The following DPH7 variants were observed in gnomAD, a reference collection of about 807,000 sequenced individuals.
The protein encoded by DPH7 is diphthine methyltransferase.
Under a neutral mutation model 41.7 loss-of-function variants are expected in DPH7, and 44 were observed. That is an observed-to-expected ratio of 1.05 (90% confidence interval 0.83 to 1.36). DPH7 has a LOEUF of 1.36. Ranked by LOEUF, DPH7 falls within the 40% of genes most tolerant of loss-of-function variation. The pLI, the probability that DPH7 is intolerant of heterozygous loss-of-function variation, is 0.00. For missense variants in DPH7, 629 were observed against 577.5 expected (o/e 1.09, Z -0.91); for synonymous variants, 275 against 238.0 (o/e 1.16, Z -1.43).
intron 8 of DPH7, among the ~76,000 whole-genome samples, chr9:137,559,719 C>A (rs578174030): frequency 1.6e-4 from 24 of 152,220 alleles, no homozygotes; most frequent in Non-Finnish European, 1.5e-4. Flanking sequence ...AGGGAAGGGC[C>A]CCCTGTCCAG....
At position 137,574,575 on chromosome 9, in the gene DPH7, C is replaced by T. The variant is rs764466431; in HGVS notation, c.467+177G>A. The T allele has an allele frequency of 7.2e-6, 6 of 836,416 alleles. No homozygotes were observed. The Admixed American group carries it at 1.2e-4, about 17-fold the overall frequency. 51.8% of individuals were successfully genotyped at this position (836,416 alleles called of 1,614,324 possible). ...GTGTCGACTTCTCTAGGTAAAAACA[C>T]TATCGCTATGTATCTAAAATGGGGG... On this transcript the variant is annotated intron_variant, in intron 4 of 8. Transcript: ENST00000277540.
chr9:137,578,684 C>A lies in DPH7; in HGVS notation c.94G>T (p.Ala32Ser). ...CGCCGCAGCTGGTAGGTCCCGCACG[C>A]CAGCAGGTGCCTGCAGCCTTGCAGC... is the stretch of plus-strand genomic sequence containing the variant. ...CPLQGCRHLL[A>S]CGTYQLRRPE... Residue 32 changes from alanine (A) to serine (S), a missense_variant, in exon 1 of 9, where the codon GCG becomes TCG. Coordinates refer to ENST00000277540, the MANE Select transcript of DPH7 (RefSeq NM_138778.5). The A allele has an allele frequency of 6.5e-7, 1 of 1,529,206 alleles. No homozygotes were observed. Among genetic ancestry groups the A allele is most frequent in the Non-Finnish European group, 8.8e-7 (1 of 1,139,556 alleles). The allele number at this position is 1,529,206 out of a possible 1,614,324, so 94.7% of individuals were successfully genotyped here.
At chr9:137,569,738 C>CCATG (rs1374504058) in intron 5 of DPH7, among the ~76,000 whole-genome samples, 3 of 146,234 alleles carry the variant, frequency 2.1e-5, no homozygotes, top group African/African-American at 7.7e-5. Flanking sequence ...ATCCATCCAT[C>CCATG]CATCCATCCA....
At position 137,576,106 on chromosome 9, in the gene DPH7, G is replaced by T. The variant is rs766173296; in HGVS notation, c.349C>A (p.Gln117Lys). 9.3e-6 allele frequency: 15 copies of T among 1,613,808 alleles called. No individual in the cohort carries two copies. Among genetic ancestry groups the T allele is most frequent in the African/African-American group, 1.3e-5 (1 of 74,940 alleles). Reference protein sequence around the residue: ...LGLADASGSIQLLRLVESEKS... With the variant: ...LGLADASGSIKLLRLVESEKS... Reference sequence around the variant, plus strand: ...TCAGATTCCACCAGGCGGAGCAGTTGTATGGATCCACTGGCATCTGCCAAG... The same window carrying T: ...TCAGATTCCACCAGGCGGAGCAGTTTTATGGATCCACTGGCATCTGCCAAG... The change falls in exon 3 of 9, where the codon CAA becomes AAA. Residue 117 changes from glutamine (Q) to lysine (K), a missense_variant. Gln to Lys is a moderately conservative substitution (Grantham distance 53, BLOSUM62 1). Coordinates refer to ENST00000277540, the MANE Select transcript of DPH7 (RefSeq NM_138778.5).
intron 1 of DPH7, chr9:137,577,876 C>T (rs1841699074): frequency 1.2e-6 from 1 of 834,092 alleles, no homozygotes. Context: ...CTGGGACAGT[C>T]CTGACTTACG....
rs1219587151 is a variant in DPH7 at position 137,556,142 on chromosome 9, GC to G, written c.950-495del. On this transcript the variant is annotated intron_variant, in intron 8 of 8. Coordinates refer to ENST00000277540, the MANE Select transcript of DPH7 (RefSeq NM_138778.5). The surrounding 1 kb of genome is among the most constrained non-coding windows in gnomAD (Gnocchi z 5.2). ...GTCCCAAGCATGCAGGGTCCGGCAC[GC>G]CCTGTTTCAGAGTCTGGATTCTGGC... Among the ~76,000 whole-genome samples, 2 of 152,184 alleles carry G rather than the reference GC, an allele frequency of 1.3e-5. No homozygotes were observed. The highest frequency in any genetic ancestry group is 4.8e-5 in the African/African-American group (2 of 41,430).
At chr9:137,568,398 T>G (rs112736111) in intron 5 of DPH7, among the ~76,000 whole-genome samples, 1 of 1,412 alleles carries the variant, frequency 7.1e-4, no homozygotes, top group Non-Finnish European at 1.5e-3. Context: ...GAAGCTCCCC[T>G]GGGTGACTCT....
intron 1 of DPH7, among the ~76,000 whole-genome samples, chr9:137,578,303 T>C (rs1841793022): frequency 1.3e-5 from 2 of 152,216 alleles, no homozygotes; most frequent in African/African-American, 4.8e-5. Context: ...TGGCTGGGAC[T>C]ACAGGCGCCG....
chr9:137,575,027 T>G, intron 3 of DPH7, 184 bp from the exon 4 acceptor site: 1 of 1,401,000 alleles, frequency 7.1e-7, no homozygotes, highest in Non-Finnish European at 9.3e-7. Context: ...CGAGAAGACC[T>G]GGGGACACTG....
At position 137,564,886 on chromosome 9, in the gene DPH7, G is replaced by A; in HGVS notation, c.776+7C>T. On this transcript the variant is annotated splice_region_variant and intron_variant, in intron 7 of 8. Coordinates refer to ENST00000277540, the MANE Select transcript of DPH7 (RefSeq NM_138778.5). ...GAGAAGGGCCCGAGAGCCTCCTGGGGACTCACCTTCCCGTGGCCAGGATGT... is the reference window on the plus strand; with the variant it reads ...GAGAAGGGCCCGAGAGCCTCCTGGGAACTCACCTTCCCGTGGCCAGGATGT... The A allele has an allele frequency of 1.3e-6, 2 of 1,589,270 alleles. No individual in the cohort carries two copies. Among genetic ancestry groups the A allele is most frequent in the Non-Finnish European group, 1.7e-6 (2 of 1,168,004 alleles).
chr9:137,578,866 C>G lies in DPH7; in HGVS notation c.-89G>C. 6.2e-6 allele frequency: 8 copies of G among 1,287,338 alleles called. No individual in the cohort carries two copies. The South Asian group carries it at 1.3e-4, about 21-fold the overall frequency. The allele number at this position is 1,287,338 out of a possible 1,614,324, so 79.7% of individuals were successfully genotyped here. A position where few individuals can be genotyped will look rare whatever the true frequency, so the allele number is the denominator to read the frequency against. On this transcript the variant is annotated 5_prime_UTR_variant, in exon 1 of 9. Coordinates refer to ENST00000277540, the MANE Select transcript of DPH7 (RefSeq NM_138778.5). ...CTGCGCGGGGCGGCGAGGCCGGGGCCGGCCGGACGAGCGCAGAGCCCCAGG... is the reference window on the plus strand; with the variant it reads ...CTGCGCGGGGCGGCGAGGCCGGGGCGGGCCGGACGAGCGCAGAGCCCCAGG...
intron 5 of DPH7, among the ~76,000 whole-genome samples, chr9:137,572,392 T>C (rs1450033162): frequency 6.6e-6 from 1 of 152,210 alleles, no homozygotes; most frequent in Non-Finnish European, 1.5e-5. Context: ...TTATCCTCAA[T>C]GAAACAGGAA....
In DPH7 at chr9:137,574,227, A is replaced by G; in HGVS notation, c.621T>C (p.His207=). The G allele has an allele frequency of 1.2e-6, 2 of 1,614,128 alleles. No individual in the cohort carries two copies. Among genetic ancestry groups the G allele is most frequent in the Non-Finnish European group, 1.7e-6 (2 of 1,180,032 alleles). The change falls in exon 5 of 9, where the codon CAT becomes CAC. Residue 207 remains histidine, a synonymous_variant. Coordinates refer to ENST00000277540, the MANE Select transcript of DPH7 (RefSeq NM_138778.5). Reference sequence around the variant, plus strand: ...ACTGACCTGAATACACAATTTCTGGATGCCAGTAATTGAAAGCAGCAATCC... The same window carrying G: ...ACTGACCTGAATACACAATTTCTGGGTGCCAGTAATTGAAAGCAGCAATCC... ...EAWIAAFNYW[H]PEIVYSGGDD... is the part of the protein sequence containing the mutation.
chr9:137,555,927 CAG>C (rs1340602274), intron 8 of DPH7, among the ~76,000 whole-genome samples: 2 of 152,212 alleles, frequency 1.3e-5, no homozygotes, highest in African/African-American at 4.8e-5. Context: ...CGGCAAAAGC[CAG>C]AGAGGGGGAA....
At chr9:137,558,635 G>T (rs1837941599) in intron 8 of DPH7, among the ~76,000 whole-genome samples, 3 of 152,232 alleles carry the variant, frequency 2.0e-5, no homozygotes, top group Admixed American at 2.0e-4. Flanking sequence ...CATAGACAGA[G>T]TAAACGGAGG....
chr9:137,574,734 AC>A lies in DPH7; in HGVS notation c.467+17del. On this transcript the variant is annotated intron_variant, in intron 4 of 8. Coordinates refer to ENST00000277540, the MANE Select transcript of DPH7 (RefSeq NM_138778.5). ...CTCAGAGAAAGACTCAGGACCCCTG[AC>A]CAAGCCTGGCCCTTACCTTCCAGTT... 6.2e-7 allele frequency: 1 copy of A among 1,612,640 alleles called. No homozygotes were observed. Among genetic ancestry groups the A allele is most frequent in the African/African-American group, 1.3e-5 (1 of 74,966 alleles).
chr9:137,577,845 T>A (rs896429646), intron 1 of DPH7, among the ~76,000 whole-genome samples: 6 of 152,174 alleles, frequency 3.9e-5, no homozygotes, highest in Middle Eastern at 3.2e-3. Context: ...ATGGCTAGGG[T>A]AACCACAGAA....
At chr9:137,571,069 G>A (rs1840342747) in intron 5 of DPH7, among the ~76,000 whole-genome samples, 1 of 152,096 alleles carries the variant, frequency 6.6e-6, no homozygotes, top group African/African-American at 2.4e-5. Flanking sequence ...GAGGCAGGAG[G>A]ATCGCTTGAC....
Position 137,555,196 on chromosome 9 carries a change from C to T in DPH7, c.*43G>A. The T allele has an allele frequency of 6.4e-7, 1 of 1,551,528 alleles. No homozygotes were observed. The highest frequency in any genetic ancestry group is 1.2e-5 in the South Asian group (1 of 80,074). On this transcript the variant is annotated 3_prime_UTR_variant, in exon 9 of 9. Coordinates refer to ENST00000277540, the MANE Select transcript of DPH7 (RefSeq NM_138778.5). ...GGTCCCGGGCACTCACTCGCAGTCTCCCTCCTGGTTTCCTTGTGGGAAGGG... is the reference window on the plus strand; with the variant it reads ...GGTCCCGGGCACTCACTCGCAGTCTTCCTCCTGGTTTCCTTGTGGGAAGGG...
Sources: allele counts gnomAD v4.1 joint callset (sites outside exome capture counted in the v4.1 genomes callset), GRCh38; gene constraint gnomAD v4.1.1; non-coding constraint Gnocchi (gnomAD v3.1); transcripts MANE v1.5; gene names NCBI Gene and HGNC (gene_info 2026-07-23, HGNC 2026-07-21).